The following ITGAM variants were observed in gnomAD, a reference collection of about 807,000 sequenced individuals.
The protein encoded by ITGAM is integrin alpha-M.
ITGAM carries 79 observed loss-of-function variants against 137.5 expected under a neutral mutation model. That is an observed-to-expected ratio of 0.57 (90% CI 0.48 to 0.69). ITGAM has a LOEUF of 0.69. Ranked by LOEUF, ITGAM falls within the 30% of genes least tolerant of loss-of-function variation. The pLI is 0.00. For missense variants in ITGAM, 1,343 were observed against 1,483.5 expected, an observed-to-expected ratio of 0.91 and a Z score of 1.56; for synonymous variants, 583 against 592.3, an observed-to-expected ratio of 0.98 and a Z score of 0.23.
At chr16:31,293,360 G>A (rs1187888166) in intron 12 of ITGAM, among the ~76,000 whole-genome samples, 2 of 151,690 alleles carry the variant, frequency 1.3e-5, no homozygotes, top group African/African-American at 4.9e-5. Context: ...TTGTCTTCCA[G>A]GGTTCTTATA....
intron 6 of ITGAM, 38 bp from the exon 7 acceptor site, chr16:31,271,809 C>T (rs997631042): frequency 9.3e-6 from 15 of 1,612,030 alleles, no homozygotes; most frequent in African/African-American, 1.3e-5. Flanking sequence ...GGGGTGGGGG[C>T]ACCTTCTCCA....
At chr16:31,266,632 C>A (rs571089290) in intron 5 of ITGAM, among the ~76,000 whole-genome samples, 6 of 151,630 alleles carry the variant, frequency 4.0e-5, no homozygotes, top group Non-Finnish European at 8.8e-5. Flanking sequence ...ATCACTTGAG[C>A]CTGGGAAGTT....
Position 31,321,566 on chromosome 16 carries a change from A to G in ITGAM, c.1941A>G (p.Glu647=), listed in dbSNP as rs1355745039. The G allele has an allele frequency of 6.2e-7, 1 of 1,614,024 alleles. No individual in the cohort carries two copies. The highest frequency in any genetic ancestry group is 1.3e-5 in the African/African-American group (1 of 75,068). The part of the protein sequence containing the change: ...ECNDQVVKGK[E]AGEVRVCLHV... ...ATGATCAGGTGGTGAAAGGCAAGGA[A>G]GCCGGAGAGGTCAGAGTCTGCCTCC... The change falls in exon 16 of 30, where the codon GAA becomes GAG. Residue 647 remains glutamate, a synonymous_variant. Transcript: ENST00000544665.
chr16:31,302,491 TTTCC>T (rs1273901275), intron 14 of ITGAM, among the ~76,000 whole-genome samples: 1 of 136,214 alleles, frequency 7.3e-6, no homozygotes, highest in Non-Finnish European at 1.5e-5. Context: ...TTCTTTTTTC[TTTCC>T]TTCTTTCTTT....
At chr16:31,303,401 AGTT>A (rs1285748260) in intron 14 of ITGAM, among the ~76,000 whole-genome samples, 3 of 152,220 alleles carry the variant, frequency 2.0e-5, no homozygotes, top group Non-Finnish European at 4.4e-5. Context: ...AATGGACTAT[AGTT>A]ATTATCTAAA....
chr16:31,300,695 GAGGTC>G (rs1174425316), intron 14 of ITGAM, among the ~76,000 whole-genome samples: 17 of 152,196 alleles, frequency 1.1e-4, no homozygotes, highest in African/African-American at 3.9e-4. Context: ...TGTATCACCT[GAGGTC>G]AGGAGTTCAA....
intron 2 of ITGAM, among the ~76,000 whole-genome samples, chr16:31,264,254 C>T (rs527830275): frequency 3.9e-5 from 6 of 152,056 alleles, no homozygotes; most frequent in East Asian, 2.0e-4. Context: ...CGAGACTACC[C>T]TGGCCAACAT....
rs2080449437 is a variant in ITGAM, at chr16:31,321,452, G to A, written c.1839-12G>A. 1.9e-6 allele frequency: 3 copies of A among 1,613,876 alleles called. No individual in the cohort carries two copies. Among genetic ancestry groups the A allele is most frequent in the Non-Finnish European group, 2.5e-6 (3 of 1,179,830 alleles). ...TTTGAAGGTCCCTGATGGTTTTCTGGTGTCCCTTTAGGTCCCAGCCAGTAC... is the reference window on the plus strand; with the variant it reads ...TTTGAAGGTCCCTGATGGTTTTCTGATGTCCCTTTAGGTCCCAGCCAGTAC... On this transcript the variant is annotated splice_polypyrimidine_tract_variant and intron_variant, in intron 15 of 29. Coordinates refer to ENST00000544665, the MANE Select transcript of ITGAM (RefSeq NM_000632.4).
chr16:31,269,942 G>A (rs1460403350), intron 5 of ITGAM, among the ~76,000 whole-genome samples: 1 of 152,200 alleles, frequency 6.6e-6, no homozygotes, highest in South Asian at 2.1e-4. Context: ...TCCTGGTGAT[G>A]GGGTCCCTGC....
At chr16:31,321,678 T>C in intron 16 of ITGAM, 51 bp downstream of exon 16, 1 of 1,573,764 alleles carries the variant, frequency 6.4e-7, no homozygotes, top group Non-Finnish European at 8.7e-7. Context: ...AGGACATGAA[T>C]GGGTGCTGCA....
Position 31,324,959 on chromosome 16 carries a change from T to G in ITGAM, c.2291T>G (p.Phe764Cys), listed in dbSNP as rs1196335936. Reference sequence around the variant, plus strand: ...TTGATCATATTTATTTTTTAAAAGTTTCCCTTTGAGAAGAATTGTGGCAAT... The same window carrying G: ...TTGATCATATTTATTTTTTAAAAGTGTCCCTTTGAGAAGAATTGTGGCAAT... ...EDAQRLFTAL[F>C]PFEKNCGNDN... Residue 764 changes from phenylalanine (F) to cysteine (C), a missense_variant and splice_region_variant, in exon 19 of 30, where the codon TTT becomes TGT. By Grantham distance (205) the Phe-to-Cys change is radical. Transcript: ENST00000544665. This position sits in a 1 kb window ranked among gnomAD's most constrained non-coding sequence, Gnocchi z 4.5. The G allele has an allele frequency of 6.2e-7, 1 of 1,610,184 alleles. No individual in the cohort carries two copies.
chr16:31,271,776 G>A, intron 6 of ITGAM, 71 bp from the exon 7 acceptor site: 1 of 1,580,782 alleles, frequency 6.3e-7, no homozygotes, highest in Non-Finnish European at 8.6e-7. Context: ...AGATCTTCGT[G>A]GAGCTTGCTG....
At chr16:31,328,276 A>C in intron 23 of ITGAM, 46 bp downstream of exon 23, 1 of 1,433,384 alleles carries the variant, frequency 7.0e-7, no homozygotes, top group Non-Finnish European at 9.8e-7. Flanking sequence ...TCTGGGCTGG[A>C]CATGGCTGAT....
Position 31,329,447 on chromosome 16 carries a change from CA to C in ITGAM, c.2868+145del, listed in dbSNP as rs1181288469. On this transcript the variant is annotated intron_variant, in intron 24 of 29. Transcript: ENST00000544665. ...TTCCACGCTGCTATCACTCAGTATG[CA>C]CACATACACGCACGTATGTATGTGA... is the stretch of plus-strand genomic sequence containing the variant. The C allele has an allele frequency of 1.0e-5, 7 of 690,284 alleles. No individual in the cohort carries two copies. The East Asian group carries it at 1.6e-4, about 16-fold the overall frequency. The allele number at this position is 690,284 out of a possible 1,614,324, so 42.8% of individuals were successfully genotyped here.
At chr16:31,327,460 G>T (rs994099938) in intron 22 of ITGAM, among the ~76,000 whole-genome samples, 1 of 151,720 alleles carries the variant, frequency 6.6e-6, no homozygotes, top group East Asian at 1.9e-4. Context: ...CAGGCATGGT[G>T]GTGCATGCCT....
intron 14 of ITGAM, among the ~76,000 whole-genome samples, chr16:31,299,401 TG>T (rs1194363452): frequency 1.3e-5 from 2 of 151,808 alleles, no homozygotes; most frequent in Non-Finnish European, 2.9e-5. Flanking sequence ...CCTTACCTCC[TG>T]GGTTCAAGCG....
chr16:31,265,825 G>T lies in ITGAM; in HGVS notation c.253G>T (p.Val85Leu). Residue 85 changes from valine to leucine, a missense_variant, in exon 4 of 30, where the codon GTG becomes TTG. By Grantham distance (32) the Val-to-Leu change is conservative. Coordinates refer to ENST00000544665, the MANE Select transcript of ITGAM (RefSeq NM_000632.4). ...TGTCCCCGCAGTCCCCGTGGAGGCCGTGAACATGTCCCTGGGCCTGTCCCT... is the reference window on the plus strand; with the variant it reads ...TGTCCCCGCAGTCCCCGTGGAGGCCTTGAACATGTCCCTGGGCCTGTCCCT... ...PIRLQVPVEA[V>L]NMSLGLSLAA... 4 of 1,613,894 alleles carry T rather than the reference G, an allele frequency of 2.5e-6. No homozygotes were observed. In the South Asian group the frequency reaches 3.3e-5, roughly 13 times the overall value.
intron 21 of ITGAM, 110 bp from the exon 22 acceptor site, chr16:31,326,746 C>G: frequency 1.3e-6 from 1 of 779,966 alleles, no homozygotes; most frequent in Non-Finnish European, 2.2e-6. Context: ...TGAACAATAT[C>G]CTGTTGCATG....
chr16:31,292,629 G>A (rs12102768), intron 12 of ITGAM, among the ~76,000 whole-genome samples: 26,531 of 152,056 alleles, frequency 0.17, 2,882 homozygotes, highest in African/African-American at 0.3. Context: ...ATTCCACGGT[G>A]TATATGTACC....
Sources: allele counts gnomAD v4.1 joint callset (sites outside exome capture counted in the v4.1 genomes callset), GRCh38; gene constraint gnomAD v4.1.1; non-coding constraint Gnocchi (gnomAD v3.1); transcripts MANE v1.5; gene names NCBI Gene and HGNC (gene_info 2026-07-23, HGNC 2026-07-21).